The following CFAP45 variants were observed in gnomAD, a reference collection of about 807,000 sequenced individuals.
CFAP45 encodes cilia and flagella associated protein 45.
A neutral mutation model predicts 75.6 loss-of-function variants in CFAP45; 43 were observed. The ratio of observed to expected loss-of-function variants is 0.57; its 90% confidence interval spans 0.45 to 0.73. The LOEUF (loss-of-function observed/expected upper bound fraction) is 0.73, where lower values mean the gene tolerates loss of function less well. Ranked by LOEUF, CFAP45 falls within the 30% of genes least tolerant of loss-of-function variation. CFAP45 has a pLI of 0.00. For missense variants in CFAP45, 689 were observed against 701.5 expected, an observed-to-expected ratio of 0.98 and a Z score of 0.20; for synonymous variants, 223 against 244.6, an observed-to-expected ratio of 0.91 and a Z score of 0.82.
chr1:159,874,904 G>A (rs1327819828), intron 10 of CFAP45, among the ~76,000 whole-genome samples: 2 of 152,218 alleles, frequency 1.3e-5, no homozygotes, highest in Non-Finnish European at 2.9e-5. Flanking sequence ...TCAACAGGCT[G>A]AGAAGTATGG....
chr1:159,884,651 TG>T, intron 6 of CFAP45, 86 bp from the exon 7 acceptor site: 1 of 1,380,726 alleles, frequency 7.2e-7, no homozygotes, highest in Admixed American at 2.1e-5. Context: ...ACCCCCAAGA[TG>T]GGTGGTGTCA....
chr1:159,876,655 G>C lies in CFAP45; in HGVS notation c.1253C>G (p.Ala418Gly). Residue 418 changes from alanine to glycine, a missense_variant, in exon 10 of 12, where the codon GCT becomes GGT. Physicochemically the swap from Ala to Gly is moderately conservative, Grantham distance 60. Transcript: ENST00000368099. ...ENARKKMETE[A>G]ELRKSRLEQV... ...TTCGAGCCGACTTTTTCGCAGCTCA[G>C]CCTCTGTTTCCATCTTCTTCCGCGC... The C allele has an allele frequency of 6.2e-7, 1 of 1,614,184 alleles. No individual in the cohort carries two copies. Among genetic ancestry groups the C allele is most frequent in the East Asian group, 2.2e-5 (1 of 44,878 alleles).
intron 8 of CFAP45, among the ~76,000 whole-genome samples, chr1:159,880,107 G>C (rs753346702): frequency 5.3e-5 from 8 of 152,102 alleles, no homozygotes; most frequent in Non-Finnish European, 8.8e-5. Flanking sequence ...TTCTTTGGTG[G>C]GAGATGGGGG....
At chr1:159,880,502 CT>C in intron 8 of CFAP45, 51 bp downstream of exon 8, 1 of 1,561,612 alleles carries the variant, frequency 6.4e-7, no homozygotes, top group East Asian at 2.3e-5. Flanking sequence ...CCTCCTCTCC[CT>C]GTGACAGACA....
chr1:159,873,261 T>G (rs1039745419), intron 10 of CFAP45, 93 bp from the exon 11 acceptor site: 1 of 981,592 alleles, frequency 1.0e-6, no homozygotes, highest in Non-Finnish European at 1.5e-6. Context: ...GCTCCTTCAG[T>G]AGACATGCCT....
intron 2 of CFAP45, among the ~76,000 whole-genome samples, chr1:159,891,520 A>AT (rs1330257904): frequency 2.0e-5 from 3 of 152,096 alleles, no homozygotes; most frequent in Non-Finnish European, 4.4e-5. Context: ...TAACTGTGTG[A>AT]TTTTTTCTTT....
At chr1:159,882,863 CCT>C (rs1167438011) in intron 7 of CFAP45, among the ~76,000 whole-genome samples, 20 of 152,186 alleles carry the variant, frequency 1.3e-4, no homozygotes, top group Admixed American at 2.6e-4. Context: ...CTCTCTCTCC[CCT>C]GAGCCAGGAA....
chr1:159,879,170 A>T (rs1190261066), intron 8 of CFAP45, among the ~76,000 whole-genome samples: 1 of 151,920 alleles, frequency 6.6e-6, no homozygotes, highest in African/African-American at 2.4e-5. Flanking sequence ...TTATCATTCC[A>T]CTCTTCCAGC....
At position 159,890,437 on chromosome 1, in the gene CFAP45, G is replaced by C. The variant is rs748990660; in HGVS notation, c.272+43C>G. The C allele has an allele frequency of 1.9e-6, 3 of 1,601,160 alleles. No individual in the cohort carries two copies. The South Asian group carries it at 3.3e-5, about 18-fold the overall frequency. Reference sequence around the variant, plus strand: ...CTCCCTACAAAGATCCTTAGCAAAAGGATGAGGACTGGACATAGAAGGGCA... The same window carrying C: ...CTCCCTACAAAGATCCTTAGCAAAACGATGAGGACTGGACATAGAAGGGCA... On this transcript the variant is annotated intron_variant, in intron 3 of 11. Transcript: ENST00000368099.
In CFAP45 at chr1:159,887,791, G is replaced by A. The variant is rs370382219; in HGVS notation, c.588+50C>T. On this transcript the variant is annotated intron_variant, in intron 5 of 11. Coordinates refer to ENST00000368099, the MANE Select transcript of CFAP45 (RefSeq NM_012337.3). ...TCCAGTGCGGGAATAAGGGGAGGGCGGAGGGATGGCAGTGAATGCTCAGAG... is the reference window on the plus strand; with the variant it reads ...TCCAGTGCGGGAATAAGGGGAGGGCAGAGGGATGGCAGTGAATGCTCAGAG... 212 of 1,558,826 alleles carry A rather than the reference G, an allele frequency of 1.4e-4. No individual in the cohort carries two copies. In the African/African-American group the frequency reaches 1.6e-3, roughly 12 times the overall value.
intron 6 of CFAP45, among the ~76,000 whole-genome samples, chr1:159,884,888 C>T (rs957510492): frequency 1.3e-5 from 2 of 152,268 alleles, no homozygotes; most frequent in South Asian, 4.1e-4. Flanking sequence ...TTTCTGAAAT[C>T]CTACCACCTC....
intron 7 of CFAP45, 61 bp downstream of exon 7, chr1:159,884,375 G>T: frequency 6.5e-7 from 1 of 1,537,062 alleles, no homozygotes. Flanking sequence ...AAACCCCAGA[G>T]TCTTGAAGGG....
At chr1:159,884,946 G>A (rs889654561) in intron 6 of CFAP45, among the ~76,000 whole-genome samples, 1 of 152,088 alleles carries the variant, frequency 6.6e-6, no homozygotes, top group Non-Finnish European at 1.5e-5. Flanking sequence ...ATAGTAAAAA[G>A]CCAAACAAAC....
At chr1:159,890,753 T>TTTTA in intron 2 of CFAP45, 131 bp from the exon 3 acceptor site, 4 of 607,486 alleles carry the variant, frequency 6.6e-6, no homozygotes, top group East Asian at 3.4e-5. Flanking sequence ...CCAGCTTTTC[T>TTTTA]TTTCTTTTTT....
chr1:159,873,004 T>C lies in CFAP45; in HGVS notation c.1517A>G (p.Glu506Gly), dbSNP rs753434285. The C allele has an allele frequency of 1.2e-5, 19 of 1,614,134 alleles. No individual in the cohort carries two copies. The highest frequency in any genetic ancestry group is 1.4e-5 in the Non-Finnish European group (16 of 1,180,054). ...GATGCGCTCACGGCGTTTCTGGGCCTCCTCTTTGAGGCGCCGGCCCTCCTC... is the reference window on the plus strand; with the variant it reads ...GATGCGCTCACGGCGTTTCTGGGCCCCCTCTTTGAGGCGCCGGCCCTCCTC... The part of the protein sequence containing the change: ...TFEEGRRLKE[E>G]AQKRRERIDE... Residue 506 changes from glutamate (E) to glycine (G), a missense_variant, in exon 11 of 12, where the codon GAG becomes GGG. Physicochemically the swap from Glu to Gly is moderately conservative, Grantham distance 98 (BLOSUM62 -2). Coordinates refer to ENST00000368099, the MANE Select transcript of CFAP45 (RefSeq NM_012337.3).
chr1:159,888,428 C>A lies in CFAP45; in HGVS notation c.341G>T (p.Trp114Leu), dbSNP rs775249902. The change falls in exon 4 of 12, where the codon TGG becomes TTG. Residue 114 changes from tryptophan (W) to leucine (L), a missense_variant. Physicochemically the swap from Trp to Leu is moderately conservative, Grantham distance 61. Coordinates refer to ENST00000368099, the MANE Select transcript of CFAP45 (RefSeq NM_012337.3). ...TTCTCTGGTCAGGACATGGGATGCC[C>A]ATTTGATTCGCTCAAACTCCTCAGG... Reference protein sequence around the residue: ...ISPEEFERIKWASHVLTREEL... With the variant: ...ISPEEFERIKLASHVLTREEL... 1 of 1,614,004 alleles carries A rather than the reference C, an allele frequency of 6.2e-7. No individual in the cohort carries two copies. The highest frequency in any genetic ancestry group is 1.7e-5 in the Admixed American group (1 of 60,022).
At chr1:159,884,973 C>T (rs1342279609) in intron 6 of CFAP45, among the ~76,000 whole-genome samples, 1 of 152,054 alleles carries the variant, frequency 6.6e-6, no homozygotes, top group Non-Finnish European at 1.5e-5. Context: ...ACAAACAAAC[C>T]CAGGGTGTAC....
Position 159,872,587 on chromosome 1 carries a change from A to G in CFAP45, c.1578-24T>C, listed in dbSNP as rs374219886. The stretch of plus-strand genomic sequence containing the variant: ...CTCTGCCGGGGAAACGCAGGCAGGT[A>G]TAAGGAAAGGTATTGGACCAGACAG... On this transcript the variant is annotated intron_variant, in intron 11 of 11. Transcript: ENST00000368099. 1.6e-5 allele frequency: 26 copies of G among 1,605,606 alleles called. No individual in the cohort carries two copies. The African/African-American group carries it at 2.0e-4, about 12-fold the overall frequency.
Position 159,880,713 on chromosome 1 carries a change from G to A in CFAP45, c.898-13C>T. On this transcript the variant is annotated splice_polypyrimidine_tract_variant and intron_variant, in intron 7 of 11. Coordinates refer to ENST00000368099, the MANE Select transcript of CFAP45 (RefSeq NM_012337.3). The stretch of plus-strand genomic sequence containing the variant: ...TTCGTTCCATGTCCTGCCAGCAAAA[G>A]AAAGAGAGCCTCAGAGTACAAAGAG... 1 of 1,613,434 alleles carries A rather than the reference G, an allele frequency of 6.2e-7. No homozygotes were observed. Among genetic ancestry groups the A allele is most frequent in the Non-Finnish European group, 8.5e-7 (1 of 1,179,654 alleles).
Sources: allele counts gnomAD v4.1 joint callset (sites outside exome capture counted in the v4.1 genomes callset), GRCh38; gene constraint gnomAD v4.1.1; transcripts MANE v1.5; gene names NCBI Gene and HGNC (gene_info 2026-07-23, HGNC 2026-07-21).